Variants in SAMSN1 observed in about 807,000 individuals in gnomAD.
SAMSN1 encodes SAM domain-containing protein SAMSN-1.
A neutral mutation model predicts 42.0 loss-of-function variants in SAMSN1; 31 were observed. The observed-to-expected ratio is 0.74, with a 90% CI of 0.55 to 1.00. The LOEUF (loss-of-function observed/expected upper bound fraction) is 1.00. SAMSN1 is among the 50% of genes least tolerant of loss of function. SAMSN1 has a pLI of 0.00. For missense variants in SAMSN1, 464 were observed against 439.4 expected (o/e 1.06, Z -0.50); for synonymous variants, 178 against 151.9 (o/e 1.17, Z -1.26).
intron 1 of SAMSN1, among the ~76,000 whole-genome samples, chr21:14,528,669 T>A (rs1244439223): frequency 6.6e-6 from 1 of 152,202 alleles, no homozygotes; most frequent in Non-Finnish European, 1.5e-5. Context: ...TTCTCCAAAC[T>A]TTATTGAAGG....
chr21:14,650,517 T>C (rs1983814851), intron 1 of SAMSN1, among the ~76,000 whole-genome samples: 1 of 151,996 alleles, frequency 6.6e-6, no homozygotes, highest in South Asian at 2.1e-4. Flanking sequence ...CCAAAACCTA[T>C]GGGATACACC....
At chr21:14,596,750 AGG>A (rs1982276349) in intron 6 of SAMSN1, among the ~76,000 whole-genome samples, 1 of 152,080 alleles carries the variant, frequency 6.6e-6, no homozygotes, top group African/African-American at 2.4e-5. Flanking sequence ...TAGCCATGAG[AGG>A]GAGTTAGAAA....
intron 5 of SAMSN1, among the ~76,000 whole-genome samples, chr21:14,606,504 C>T (rs1177634761): frequency 6.6e-6 from 1 of 151,986 alleles, no homozygotes; most frequent in Non-Finnish European, 1.5e-5. Flanking sequence ...CTTCTCAATT[C>T]TTTTTTATAA....
chr21:14,538,185 T>A (rs916068122), intron 1 of SAMSN1, among the ~76,000 whole-genome samples: 2 of 152,232 alleles, frequency 1.3e-5, no homozygotes, highest in African/African-American at 4.8e-5. Context: ...TATTTACTTA[T>A]AGCCACCGTT....
intron 7 of SAMSN1, chr21:14,591,342 T>G (rs1982077945): frequency 6.6e-6 from 1 of 152,200 alleles, no homozygotes; most frequent in South Asian, 2.1e-4. Context: ...AATTTATTAC[T>G]GAGGACCTAA....
At chr21:14,610,262 G>T (rs185490173) in intron 4 of SAMSN1, among the ~76,000 whole-genome samples, 1 of 152,064 alleles carries the variant, frequency 6.6e-6, no homozygotes, top group Admixed American at 6.6e-5. Flanking sequence ...TTCCCAGGGC[G>T]GGGCCTCTAA....
rs75476689 is a variant in SAMSN1, at chr21:14,576,362, G to C, written c.261+5774C>G. On this transcript the variant is annotated intron_variant, in intron 2 of 8. Transcript: ENST00000285670. The stretch of plus-strand genomic sequence containing the variant: ...AGGGAGACTGCCAAGGGAGAGAATA[G>C]AGAGACAAAATGGAGGACAGGCACA... Among the ~76,000 whole-genome samples, 975 of 152,290 alleles carry C rather than the reference G, an allele frequency of 6.4e-3. 3 individuals carry two copies. Among genetic ancestry groups the C allele is most frequent in the Non-Finnish European group, 0.012 (783 of 68,016 alleles).
At chr21:14,509,929 G>A (rs1364081179) in intron 5 of SAMSN1, among the ~76,000 whole-genome samples, 2 of 152,062 alleles carry the variant, frequency 1.3e-5, no homozygotes, top group Non-Finnish European at 2.9e-5. Flanking sequence ...CACGAGGTCA[G>A]GAGATTGAGA....
At chr21:14,599,645 C>T (rs1241681777) in intron 6 of SAMSN1, among the ~76,000 whole-genome samples, 1 of 152,084 alleles carries the variant, frequency 6.6e-6, no homozygotes, top group South Asian at 2.1e-4. Context: ...CCTGCGAGAG[C>T]CAGTTGTTTC....
chr21:14,589,346 C>A (rs1982013010), intron 7 of SAMSN1, among the ~76,000 whole-genome samples: 1 of 151,556 alleles, frequency 6.6e-6, no homozygotes, highest in South Asian at 2.1e-4. Flanking sequence ...GACTTTTAAT[C>A]CAATGTTCTT....
intron 1 of SAMSN1, among the ~76,000 whole-genome samples, chr21:14,582,660 T>G (rs577127309): frequency 3.1e-4 from 47 of 152,334 alleles, no homozygotes; most frequent in Admixed American, 9.8e-4. Context: ...GTTATTTTGC[T>G]ATATAAAATT....
At chr21:14,619,396 T>C (rs1982941690) in intron 2 of SAMSN1, among the ~76,000 whole-genome samples, 1 of 152,224 alleles carries the variant, frequency 6.6e-6, no homozygotes, top group South Asian at 2.1e-4. Flanking sequence ...TTTAGGACTG[T>C]AGAGCTGATG....
At position 14,546,209 on chromosome 21, in the gene SAMSN1, G is replaced by A; in HGVS notation, c.53C>T (p.Pro18Leu). Reference protein sequence around the residue: ...NVSEKEKHQKPKRSSSFGNFD... With the variant: ...NVSEKEKHQKLKRSSSFGNFD... The stretch of plus-strand genomic sequence containing the variant: ...CTATGTATGAAATCACCTTACCTTT[G>A]GTTTTTGATGTTTCTCCTTCTCTGA... The change falls in exon 1 of 8, where the codon CCA becomes CTA. Residue 18 changes from proline to leucine, a missense_variant. Physicochemically the swap from Pro to Leu is moderately conservative, Grantham distance 98. Coordinates refer to ENST00000400566, the MANE Select transcript of SAMSN1 (RefSeq NM_022136.5). The A allele has an allele frequency of 1.2e-6, 2 of 1,612,126 alleles. No individual in the cohort carries two copies. The highest frequency in any genetic ancestry group is 1.7e-6 in the Non-Finnish European group (2 of 1,178,758).
intron 5 of SAMSN1, among the ~76,000 whole-genome samples, chr21:14,501,947 G>A (rs1987177685): frequency 6.6e-6 from 1 of 152,134 alleles, no homozygotes. Flanking sequence ...ATATTTATTT[G>A]TAAAGAAAAT....
At chr21:14,544,225 A>G (rs2082764002) in intron 1 of SAMSN1, among the ~76,000 whole-genome samples, 1 of 152,024 alleles carries the variant, frequency 6.6e-6, no homozygotes, top group African/African-American at 2.4e-5. Context: ...TAATTTTTGA[A>G]TTTTTTGTAG....
rs193119643 is a variant in SAMSN1, at chr21:14,507,032, C to T, written c.561+3278G>A. Among the ~76,000 whole-genome samples, 309 of 152,110 alleles carry T rather than the reference C, an allele frequency of 2.0e-3. 2 individuals are homozygous for T. Among genetic ancestry groups the T allele is most frequent in the Admixed American group, 5.1e-3 (78 of 15,258 alleles). On this transcript the variant is annotated intron_variant, in intron 5 of 7. Coordinates refer to ENST00000400566, the MANE Select transcript of SAMSN1 (RefSeq NM_022136.5). Reference sequence around the variant, plus strand: ...AAACTCAGCAAAATAGGCATACAAGCGACATACCTCAATATAATAAAAGCC... The same window carrying T: ...AAACTCAGCAAAATAGGCATACAAGTGACATACCTCAATATAATAAAAGCC...
chr21:14,521,353 T>A, intron 1 of SAMSN1, 132 bp from the exon 2 acceptor site: 1 of 584,422 alleles, frequency 1.7e-6, no homozygotes. Flanking sequence ...CTCTTCTCTC[T>A]GGAATATCCA....
rs1424374122 is a variant in SAMSN1 at position 14,516,892 on chromosome 21, C to G, written c.279G>C (p.Lys93Asn). The G allele has an allele frequency of 6.2e-7, 1 of 1,600,248 alleles. No individual in the cohort carries two copies. The highest frequency in any genetic ancestry group is 2.2e-5 in the East Asian group (1 of 44,678). The change falls in exon 3 of 8, where the codon AAG (lysine) becomes AAC (asparagine). Residue 93 changes from lysine (K) to asparagine (N), a missense_variant and splice_region_variant. Lys to Asn is a moderately conservative substitution (Grantham distance 94). Coordinates refer to ENST00000400566, the MANE Select transcript of SAMSN1 (RefSeq NM_022136.5). Reference protein sequence around the residue: ...KKYIKALSEEKDEEDGENAHP... With the variant: ...KKYIKALSEENDEEDGENAHP... Reference sequence around the variant, plus strand: ...CAAATGATTATCAGAGAATATTTACCTTTTCCTCAGAAAGGGCTTTGATGT... The same window carrying G: ...CAAATGATTATCAGAGAATATTTACGTTTTCCTCAGAAAGGGCTTTGATGT...
intron 7 of SAMSN1, among the ~76,000 whole-genome samples, chr21:14,491,992 A>T (rs1369260771): frequency 1.3e-5 from 2 of 151,892 alleles, no homozygotes; most frequent in Admixed American, 6.6e-5. Flanking sequence ...ACGCTATATC[A>T]TTTTTTTAAC....
Sources: gnomAD v4.1 joint callset for allele counts (sites outside exome capture counted in the v4.1 genomes callset) on GRCh38, gnomAD v4.1.1 for gene constraint, MANE v1.5 for transcripts, NCBI Gene and HGNC (gene_info 2026-07-23, HGNC 2026-07-21) for gene names.